C3orf20: variants seen among roughly 807,000 people sequenced by gnomAD.
C3orf20 encodes family with sequence similarity 149 member C, also known as uncharacterized protein C3orf20.
Under a neutral mutation model 88.3 loss-of-function variants are expected in C3orf20, and 76 were observed. That is an observed-to-expected ratio of 0.86 (90% confidence interval 0.72 to 1.04). C3orf20 has a LOEUF of 1.04. Among genes scored for constraint, C3orf20 ranks in the 50% least tolerant of loss-of-function variants. The pLI, the probability that C3orf20 is intolerant of heterozygous loss-of-function variation, is 0.00. For missense variants in C3orf20, 1,056 were observed against 1,123.3 expected, an observed-to-expected ratio of 0.94 and a Z score of 0.86; for synonymous variants, 436 against 437.4, an observed-to-expected ratio of 1.00 and a Z score of 0.04.
chr3:14,710,358 A>G (rs910220950), intron 7 of C3orf20, among the ~76,000 whole-genome samples: 3 of 151,426 alleles, frequency 2.0e-5, no homozygotes, highest in Middle Eastern at 3.2e-3. Context: ...CTCCACTCTG[A>G]TTCTTTATTG....
chr3:14,749,864 G>T (rs1167760601), intron 12 of C3orf20, among the ~76,000 whole-genome samples: 5 of 151,810 alleles, frequency 3.3e-5, no homozygotes, highest in Admixed American at 2.0e-4. Flanking sequence ...AAAGTTATCT[G>T]CTCCCGTACA....
chr3:14,768,279 G>A lies in C3orf20; in HGVS notation c.2496-3788G>A, dbSNP rs546672530. 7.9e-5 allele frequency among the ~76,000 whole-genome samples: 12 copies of A among 152,114 alleles called. 1 individual carries two copies. Among genetic ancestry groups the A allele is most frequent in the African/African-American group, 2.9e-4 (12 of 41,434 alleles). On this transcript the variant is annotated intron_variant, in intron 15 of 16. Coordinates refer to ENST00000253697, the MANE Select transcript of C3orf20 (RefSeq NM_032137.5). This position sits in a 1 kb window ranked among gnomAD's most constrained non-coding sequence, Gnocchi z 4.1. ...ATACACCAAGACCCCTCCAAGGATG[G>A]AGCTGTGGAGAGCAGGCCCCGTGCT...
chr3:14,711,627 CTTT>C (rs35966332), intron 7 of C3orf20, among the ~76,000 whole-genome samples: 69 of 72,600 alleles, frequency 9.5e-4, no homozygotes, highest in African/African-American at 3.0e-3. Context: ...ATCCTGCCAG[CTTT>C]TTTTTTTTTT....
At chr3:14,750,766 G>A (rs1473567433) in intron 12 of C3orf20, among the ~76,000 whole-genome samples, 2 of 152,082 alleles carry the variant, frequency 1.3e-5, no homozygotes, top group East Asian at 3.8e-4. Context: ...ATGATAATGT[G>A]TATCAATGTA....
At chr3:14,712,188 A>T (rs139777548) in intron 7 of C3orf20, among the ~76,000 whole-genome samples, 851 of 50,036 alleles carry the variant, frequency 0.017, 10 homozygotes, top group Middle Eastern at 0.025. Flanking sequence ...GCGCGCACAC[A>T]CACACACACA....
chr3:14,717,256 A>G (rs781134258), intron 9 of C3orf20, among the ~76,000 whole-genome samples: 1 of 152,232 alleles, frequency 6.6e-6, no homozygotes. Context: ...AAGTGCTTTG[A>G]CATCAGTAAA....
At chr3:14,769,917 G>T (rs890977625) in intron 15 of C3orf20, among the ~76,000 whole-genome samples, 2 of 151,668 alleles carry the variant, frequency 1.3e-5, no homozygotes, top group African/African-American at 4.9e-5. Context: ...CAGGGAGGAG[G>T]TGCTCTGGGA....
chr3:14,704,744 C>T, intron 7 of C3orf20, 126 bp downstream of exon 7: 1 of 1,164,660 alleles, frequency 8.6e-7, no homozygotes, highest in Non-Finnish European at 1.2e-6. Flanking sequence ...GATGGGTCTC[C>T]TGGGTATTAA....
chr3:14,735,311 C>G (rs2034670782), intron 12 of C3orf20, among the ~76,000 whole-genome samples: 1 of 151,364 alleles, frequency 6.6e-6, no homozygotes, highest in Non-Finnish European at 1.5e-5. Flanking sequence ...TCCTTTTTTG[C>G]CTGATTGTGT....
At position 14,707,849 on chromosome 3, in the gene C3orf20, C is replaced by T. The variant is rs189915388; in HGVS notation, c.1160+3231C>T. 5.6e-3 allele frequency among the ~76,000 whole-genome samples: 572 copies of T among 102,474 alleles called. 7 individuals carry two copies. Among genetic ancestry groups the T allele is most frequent in the African/African-American group, 0.02 (516 of 26,278 alleles). The allele number at this position is 102,474 out of a possible 152,430, so 67.2% of individuals were successfully genotyped here. A position where few individuals can be genotyped will look rare whatever the true frequency, so the allele number is the denominator to read the frequency against. On this transcript the variant is annotated intron_variant, in intron 7 of 16. Transcript: ENST00000253697. ...TTTTTTTTTTTTTGAGACAGAGTTT[C>T]GCTCTTGTTGCCCAGGCTGGAGTAC...
chr3:14,715,288 G>A lies in C3orf20; in HGVS notation c.1314-1G>A. 1 of 1,611,512 alleles carries A rather than the reference G, an allele frequency of 6.2e-7. No individual in the cohort carries two copies. The highest frequency in any genetic ancestry group is 8.5e-7 in the Non-Finnish European group (1 of 1,179,290). On this transcript the variant is annotated splice_acceptor_variant, in intron 8 of 16. Coordinates refer to ENST00000253697, the MANE Select transcript of C3orf20 (RefSeq NM_032137.5). LOFTEE classifies it high-confidence loss of function. ...GCTACTCACTTCTGTATCTCTCCTA[G>A]TTGCCCATATGTCTTAATCTTGGAT... is the stretch of plus-strand genomic sequence containing the variant.
chr3:14,703,294 C>T, intron 6 of C3orf20, 32 bp downstream of exon 6: 1 of 1,612,468 alleles, frequency 6.2e-7, no homozygotes, highest in Non-Finnish European at 8.5e-7. Context: ...TCGGGGGAGT[C>T]AAGGGTTCTC....
chr3:14,758,401 C>T (rs2035450862), intron 13 of C3orf20, among the ~76,000 whole-genome samples: 1 of 152,204 alleles, frequency 6.6e-6, no homozygotes, highest in African/African-American at 2.4e-5. Context: ...GAACCCACTC[C>T]TGCCTACTCA....
chr3:14,698,145 T>G (rs1290932603), intron 5 of C3orf20, among the ~76,000 whole-genome samples: 11 of 152,238 alleles, frequency 7.2e-5, no homozygotes. Context: ...CTGTCTTCAA[T>G]CTCTTCGTTA....
chr3:14,760,713 G>A (rs563764711), intron 14 of C3orf20, among the ~76,000 whole-genome samples: 4 of 146,894 alleles, frequency 2.7e-5, no homozygotes, highest in African/African-American at 1.0e-4. Context: ...GGATTCAAGT[G>A]ATTATCCTGC....
At chr3:14,685,078 C>A (rs191795547) in intron 4 of C3orf20, among the ~76,000 whole-genome samples, 1 of 151,848 alleles carries the variant, frequency 6.6e-6, no homozygotes, top group Non-Finnish European at 1.5e-5. Context: ...AAAATTAATC[C>A]GAATGTTTAT....
At chr3:14,694,874 T>A (rs1249085615) in intron 5 of C3orf20, among the ~76,000 whole-genome samples, 2 of 152,040 alleles carry the variant, frequency 1.3e-5, no homozygotes, top group East Asian at 3.9e-4. Context: ...CACTGCAACC[T>A]CCACCTCCCG....
In C3orf20 at chr3:14,715,418, G is replaced by A. The variant is rs766731299; in HGVS notation, c.1434+9G>A. ...TTTCCCTGGAATACAAGGTAGGGAT[G>A]GGCAGCACAGGTTGGGTGGCAGTGA... On this transcript the variant is annotated intron_variant, in intron 9 of 16. Coordinates refer to ENST00000253697, the MANE Select transcript of C3orf20 (RefSeq NM_032137.5). 3.7e-6 allele frequency: 6 copies of A among 1,608,816 alleles called. No homozygotes were observed. The highest frequency in any genetic ancestry group is 2.2e-5 in the South Asian group (2 of 90,310).
Position 14,723,223 on chromosome 3 carries a change from A to C in C3orf20, c.1566+1439A>C, listed in dbSNP as rs192977112. 7.2e-5 allele frequency among the ~76,000 whole-genome samples: 11 copies of C among 152,366 alleles called. No homozygotes were observed. The East Asian group carries it at 1.5e-3, about 21-fold the overall frequency. ...ATTTGCCACTGTATGCCACAAGCTT[A>C]CAGACGCCCAAAGCTGGCAGAGCCC... On this transcript the variant is annotated intron_variant, in intron 10 of 16. Coordinates refer to ENST00000253697, the MANE Select transcript of C3orf20 (RefSeq NM_032137.5).
Sources: gnomAD v4.1 joint callset for allele counts (sites outside exome capture counted in the v4.1 genomes callset) on GRCh38, gnomAD v4.1.1 for gene constraint, Gnocchi (gnomAD v3.1) non-coding constraint, MANE v1.5 for transcripts, NCBI Gene and HGNC (gene_info 2026-07-23, HGNC 2026-07-21) for gene names.